The following CARMIL1 variants were observed in gnomAD, a reference collection of about 807,000 sequenced individuals.
CARMIL1 encodes capping protein regulator and myosin 1 linker 1, also known as F-actin-uncapping protein LRRC16A.
CARMIL1 carries 90 observed loss-of-function variants against 177.1 expected under a neutral mutation model. That is an observed-to-expected ratio of 0.51 (90% CI 0.43 to 0.61). The LOEUF (loss-of-function observed/expected upper bound fraction) is 0.61. CARMIL1 is among the 20% of genes least tolerant of loss of function. The pLI is 0.00. For synonymous variants in CARMIL1, 577 were observed against 606.2 expected, an observed-to-expected ratio of 0.95 and a Z score of 0.71; for missense variants, 1,380 against 1,667.0, an observed-to-expected ratio of 0.83 and a Z score of 3.00.
At chr6:25,436,977 C>G (rs979686600) in intron 5 of CARMIL1, among the ~76,000 whole-genome samples, 9 of 152,054 alleles carry the variant, frequency 5.9e-5, no homozygotes, top group Non-Finnish European at 1.0e-4. Flanking sequence ...GTGTGGGCAG[C>G]AGTGGGTGGT....
At chr6:25,619,070 G>A (rs1284593256) in intron 36 of CARMIL1, among the ~76,000 whole-genome samples, 1 of 152,134 alleles carries the variant, frequency 6.6e-6, no homozygotes, top group Non-Finnish European at 1.5e-5. Context: ...TGCTGTGTGA[G>A]GGGGCAGCTA....
At chr6:25,543,133 C>CA (rs756230646) in intron 26 of CARMIL1, among the ~76,000 whole-genome samples, 1 of 152,138 alleles carries the variant, frequency 6.6e-6, no homozygotes, top group Admixed American at 6.5e-5. Flanking sequence ...TCCTGCTAAG[C>CA]AAGTTGCTTA....
intron 2 of CARMIL1, among the ~76,000 whole-genome samples, chr6:25,384,915 G>T (rs1458347075): frequency 4.6e-5 from 7 of 152,144 alleles, no homozygotes; most frequent in African/African-American, 1.7e-4. Context: ...CTTTTGGATA[G>T]ATGTAACACT....
rs375437877 is a variant in CARMIL1, at chr6:25,334,184, T to G, written c.138+49275T>G. Among the ~76,000 whole-genome samples the G allele has an allele frequency of 1.0e-3, 154 of 152,334 alleles. 1 individual carries two copies. The highest frequency in any genetic ancestry group is 5.2e-3 in the South Asian group (25 of 4,822). On this transcript the variant is annotated intron_variant, in intron 2 of 36. Transcript: ENST00000329474. ...AGCCGCTATGAGCTGCAAGGTTTCC[T>G]GAGGCAGAGGTATCCGGAACAGAGT...
At chr6:25,307,738 G>T (rs185011773) in intron 2 of CARMIL1, among the ~76,000 whole-genome samples, 143 of 152,330 alleles carry the variant, frequency 9.4e-4, no homozygotes, top group African/African-American at 3.2e-3. Flanking sequence ...GCTATTGTTA[G>T]AGTAGTTCTG....
rs189685166 is a variant in CARMIL1 at position 25,550,797 on chromosome 6, C to T, written c.2329-113C>T. The T allele has an allele frequency of 3.5e-4, 319 of 922,300 alleles. 1 individual carries two copies. The highest frequency in any genetic ancestry group is 4.5e-4 in the Non-Finnish European group (270 of 597,970). The allele number at this position is 922,300 out of a possible 1,614,324, so 57.1% of individuals were successfully genotyped here. On this transcript the variant is annotated intron_variant, in intron 26 of 36. Coordinates refer to ENST00000329474, the MANE Select transcript of CARMIL1 (RefSeq NM_017640.6). ...TCTTGGTTGCGCTCTGGGACTCCGT[C>T]GTGCTCCTGTTCTCTGAGGGCTCCG... is the stretch of plus-strand genomic sequence containing the variant.
intron 27 of CARMIL1, among the ~76,000 whole-genome samples, chr6:25,552,391 G>A (rs1810190923): frequency 1.3e-5 from 2 of 152,026 alleles, no homozygotes; most frequent in African/African-American, 4.8e-5. Flanking sequence ...TTGAAAATGG[G>A]CAAATTCTGA....
chr6:25,418,176 A>G (rs79280850), intron 2 of CARMIL1, among the ~76,000 whole-genome samples: 19,008 of 152,170 alleles, frequency 0.12, 1,461 homozygotes, highest in South Asian at 0.19. Flanking sequence ...GTTGACCAAC[A>G]GTCCCAGTTT....
rs1805268296 is a variant in CARMIL1, at chr6:25,509,629, C to T, written c.1396-27C>T. The T allele has an allele frequency of 6.6e-7, 1 of 1,520,186 alleles. No homozygotes were observed. Among genetic ancestry groups the T allele is most frequent in the Non-Finnish European group, 9.0e-7 (1 of 1,106,110 alleles). The allele number at this position is 1,520,186 out of a possible 1,614,324, so 94.2% of individuals were successfully genotyped here. A position where few individuals can be genotyped will look rare whatever the true frequency, so the allele number is the denominator to read the frequency against. On this transcript the variant is annotated intron_variant, in intron 17 of 36. Transcript: ENST00000329474. This position sits in a 1 kb window ranked among gnomAD's most constrained non-coding sequence, Gnocchi z 4.1. ...CATCTCCAGTAGAGTGAAGACTTTACTTTGTGTTTGGTTTGTGTTTCTCTA... is the reference window on the plus strand; with the variant it reads ...CATCTCCAGTAGAGTGAAGACTTTATTTTGTGTTTGGTTTGTGTTTCTCTA...
chr6:25,538,921 T>C (rs1032673102), intron 25 of CARMIL1, among the ~76,000 whole-genome samples: 1 of 151,986 alleles, frequency 6.6e-6, no homozygotes, highest in Non-Finnish European at 1.5e-5. Context: ...ATGTAATGGG[T>C]CCTCCATAAA....
At chr6:25,483,556 T>C (rs531506265) in intron 12 of CARMIL1, among the ~76,000 whole-genome samples, 1 of 152,040 alleles carries the variant, frequency 6.6e-6, no homozygotes, top group African/African-American at 2.4e-5. Flanking sequence ...ATAATTATCA[T>C]CATCCTGAGC....
intron 24 of CARMIL1, among the ~76,000 whole-genome samples, chr6:25,530,996 TGTAAAG>T (rs1807714128): frequency 6.6e-6 from 1 of 152,164 alleles, no homozygotes; most frequent in African/African-American, 2.4e-5. Context: ...ATCGCAATAA[TGTAAAG>T]GTAACGAAAC....
intron 20 of CARMIL1, among the ~76,000 whole-genome samples, chr6:25,513,595 A>G (rs957280688): frequency 2.0e-5 from 3 of 152,180 alleles, no homozygotes; most frequent in African/African-American, 7.2e-5. Flanking sequence ...GAGTCTTGAA[A>G]CCATCAACAC....
chr6:25,552,379 C>T (rs997138447), intron 27 of CARMIL1, among the ~76,000 whole-genome samples: 1 of 152,038 alleles, frequency 6.6e-6, no homozygotes, highest in African/African-American at 2.4e-5. Flanking sequence ...TGATCATTTC[C>T]TTTGAAAATG....
rs374366604 is a variant in CARMIL1 at position 25,465,939 on chromosome 6, T to C, written c.681T>C (p.Asp227=). The C allele has an allele frequency of 1.1e-5, 18 of 1,606,796 alleles. No homozygotes were observed. The highest frequency in any genetic ancestry group is 1.6e-4 in the Middle Eastern group (1 of 6,068). Reference sequence around the variant, plus strand: ...GGTTCACAAAACTGTCCTCTAAGGATCTAAAACTGGTAAGTAATCAAACAT... The same window carrying C: ...GGTTCACAAAACTGTCCTCTAAGGACCTAAAACTGGTAAGTAATCAAACAT... The part of the protein sequence containing the change: ...NQWFTKLSSK[D]LKLSTDVCEQ... The change falls in exon 9 of 37, where the codon GAT becomes GAC. Residue 227 remains aspartate, a synonymous_variant. Transcript: ENST00000329474.
intron 2 of CARMIL1, among the ~76,000 whole-genome samples, chr6:25,291,892 C>T (rs1050992252): frequency 6.6e-5 from 10 of 152,150 alleles, no homozygotes; most frequent in African/African-American, 1.9e-4. Context: ...GTCTTGCAAT[C>T]TCAGGATGCT....
At position 25,339,864 on chromosome 6, in the gene CARMIL1, T is replaced by A. The variant is rs190377121; in HGVS notation, c.138+54955T>A. On this transcript the variant is annotated intron_variant, in intron 2 of 36. Transcript: ENST00000329474. Reference sequence around the variant, plus strand: ...CTTTATAAAGATTAATGAGGTGTAATATAAAATACTTCACATAGTCATTTT... The same window carrying A: ...CTTTATAAAGATTAATGAGGTGTAAAATAAAATACTTCACATAGTCATTTT... Among the ~76,000 whole-genome samples, 864 of 152,316 alleles carry A rather than the reference T, an allele frequency of 5.7e-3. 8 individuals are homozygous for A. The highest frequency in any genetic ancestry group is 0.02 in the African/African-American group (816 of 41,554).
At chr6:25,379,245 A>G (rs933930995) in intron 2 of CARMIL1, among the ~76,000 whole-genome samples, 2 of 152,202 alleles carry the variant, frequency 1.3e-5, no homozygotes, top group African/African-American at 2.4e-5. Flanking sequence ...ACAGTCCAGT[A>G]GGGCCATAAG....
At chr6:25,547,896 G>A (rs1347748851) in intron 26 of CARMIL1, among the ~76,000 whole-genome samples, 1 of 151,908 alleles carries the variant, frequency 6.6e-6, no homozygotes, top group Non-Finnish European at 1.5e-5. Context: ...ATACAGCTTG[G>A]AGTGTGAAGA....
Sources: gnomAD v4.1 joint callset for allele counts (sites outside exome capture counted in the v4.1 genomes callset) on GRCh38, gnomAD v4.1.1 for gene constraint, Gnocchi (gnomAD v3.1) non-coding constraint, MANE v1.5 for transcripts, NCBI Gene and HGNC (gene_info 2026-07-23, HGNC 2026-07-21) for gene names.